The following NFATC2 variants were observed in gnomAD, a reference collection of about 807,000 sequenced individuals.
NFATC2 encodes nuclear factor of activated T cells 2.
Under a neutral mutation model 87.3 loss-of-function variants are expected in NFATC2, and 22 were observed. That is an observed-to-expected ratio of 0.25 (90% CI 0.18 to 0.36). The LOEUF (loss-of-function observed/expected upper bound fraction) is 0.36, where lower values mean the gene tolerates loss of function less well. NFATC2 is among the 10% of genes least tolerant of loss of function. The probability of loss-of-function intolerance (pLI) is 1.00; values close to 1 mark genes in which losing one functional copy is unlikely to be tolerated. For synonymous variants in NFATC2, 565 were observed against 542.2 expected (o/e 1.04, Z -0.58); for missense variants, 1,149 against 1,259.1 (o/e 0.91, Z 1.32).
intron 9 of NFATC2, among the ~76,000 whole-genome samples, chr20:51,417,563 C>T (rs1367659081): frequency 1.3e-5 from 2 of 152,202 alleles, no homozygotes; most frequent in Non-Finnish European, 2.9e-5. Flanking sequence ...TCCTGACCAC[C>T]CCGTTTGAAG....
At position 51,523,872 on chromosome 20, in the gene NFATC2, C is replaced by T. The variant is rs769555895; in HGVS notation, c.369G>A (p.Gln123=). 4 of 1,609,520 alleles carry T rather than the reference C, an allele frequency of 2.5e-6. No homozygotes were observed. The highest frequency in any genetic ancestry group is 3.4e-6 in the Non-Finnish European group (4 of 1,178,266). The part of the protein sequence containing the change: ...IEITPSHELI[Q]AVGPLRMRDA... The stretch of plus-strand genomic sequence containing the variant: ...CTCTCATGCGGAGGGGCCCCACTGC[C>T]TGGATCAGTTCGTGGGACGGAGTGA... The change falls in exon 2 of 11, where the codon CAG becomes CAA. Residue 123 remains glutamine (Q), a synonymous_variant. Transcript: ENST00000371564. This position sits in a 1 kb window ranked among gnomAD's most constrained non-coding sequence, Gnocchi z 6.9.
intron 9 of NFATC2, among the ~76,000 whole-genome samples, chr20:51,413,145 G>A (rs1005834532): frequency 6.6e-6 from 1 of 151,892 alleles, no homozygotes; most frequent in Non-Finnish European, 1.5e-5. Context: ...CAGCACTGCT[G>A]GCTGGAGGTG....
At chr20:51,560,289 A>G (rs960806544) in intron 1 of NFATC2, among the ~76,000 whole-genome samples, 2 of 152,218 alleles carry the variant, frequency 1.3e-5, no homozygotes, top group Non-Finnish European at 2.9e-5. Flanking sequence ...CTTGCCCAAG[A>G]TCACACAGTT....
chr20:51,533,764 A>T (rs532361582), intron 1 of NFATC2, among the ~76,000 whole-genome samples: 90 of 152,360 alleles, frequency 5.9e-4, no homozygotes, highest in African/African-American at 2.1e-3. Context: ...AGGCTTGCAG[A>T]CTGGCTCTGG....
At chr20:51,433,586 C>T (rs867618668) in intron 8 of NFATC2, among the ~76,000 whole-genome samples, 2 of 152,162 alleles carry the variant, frequency 1.3e-5, no homozygotes, top group Admixed American at 6.5e-5. Context: ...ATTCCTTTCT[C>T]CCTGCCCAGC....
intron 1 of NFATC2, among the ~76,000 whole-genome samples, chr20:51,561,012 C>T (rs1412321108): frequency 6.6e-6 from 1 of 152,176 alleles, no homozygotes; most frequent in South Asian, 2.1e-4. Context: ...TCCACCCCCA[C>T]CACGAGAACA....
chr20:51,519,884 C>G (rs1374703860), intron 2 of NFATC2, among the ~76,000 whole-genome samples: 2 of 150,338 alleles, frequency 1.3e-5, no homozygotes, highest in Non-Finnish European at 2.9e-5. Flanking sequence ...CCACTGTATT[C>G]TAGCCTGGGT....
At chr20:51,531,884 C>T (rs770094277) in intron 1 of NFATC2, among the ~76,000 whole-genome samples, 15 of 152,194 alleles carry the variant, frequency 9.9e-5, no homozygotes, top group Admixed American at 2.0e-4. Flanking sequence ...AAAAGGAAGA[C>T]ATTTTTATAA....
At chr20:51,457,275 TG>T (rs1258820391) in intron 5 of NFATC2, among the ~76,000 whole-genome samples, 1 of 152,192 alleles carries the variant, frequency 6.6e-6, no homozygotes, top group Non-Finnish European at 1.5e-5. Context: ...GCCCCGGGGA[TG>T]GGTGGTGCAG....
In NFATC2 at chr20:51,480,726, T is replaced by C. The variant is rs1217830890; in HGVS notation, c.1333-5066A>G. Among the ~76,000 whole-genome samples the C allele has an allele frequency of 6.6e-6, 1 of 152,122 alleles. No homozygotes were observed. Among genetic ancestry groups the C allele is most frequent in the East Asian group, 1.9e-4 (1 of 5,194 alleles). On this transcript the variant is annotated intron_variant, in intron 3 of 10. Coordinates refer to ENST00000371564, the MANE Select transcript of NFATC2 (RefSeq NM_012340.5). This position sits in a 1 kb window ranked among gnomAD's most constrained non-coding sequence, Gnocchi z 4.2. ...CATATGCTCAGATAAAAAGGAGACA[T>C]CACCCCCCACCCTGCAGGCCTCTTC...
intron 3 of NFATC2, among the ~76,000 whole-genome samples, chr20:51,502,611 C>A (rs557169300): frequency 9.8e-5 from 15 of 152,310 alleles, no homozygotes; most frequent in African/African-American, 3.4e-4. Flanking sequence ...ACTAGGATTA[C>A]AGGCATGAGC....
intron 9 of NFATC2, among the ~76,000 whole-genome samples, chr20:51,410,751 T>A (rs981299431): frequency 3.9e-5 from 6 of 152,174 alleles, no homozygotes; most frequent in Non-Finnish European, 7.3e-5. Flanking sequence ...TCTAACACAC[T>A]TAGGGCAGGA....
intron 6 of NFATC2, among the ~76,000 whole-genome samples, chr20:51,440,932 G>T (rs1002151728): frequency 6.6e-6 from 1 of 152,206 alleles, no homozygotes; most frequent in Admixed American, 6.5e-5. Context: ...TTCGCCTGGA[G>T]AACCCAATAA....
At chr20:51,542,824 A>T, upstream of NFATC2, 5 of 555,352 alleles carry the variant, frequency 9.0e-6, no homozygotes, top group Non-Finnish European at 1.1e-5. Context: ...AGGGGACCGG[A>T]GGGGAGGGGC....
intron 1 of NFATC2, among the ~76,000 whole-genome samples, chr20:51,537,714 C>T (rs1231468273): frequency 6.6e-6 from 1 of 152,238 alleles, no homozygotes; most frequent in Non-Finnish European, 1.5e-5. Flanking sequence ...AGCTTCTGAA[C>T]TGTCTGCTGA....
At chr20:51,465,472 A>G (rs1987592708) in intron 5 of NFATC2, among the ~76,000 whole-genome samples, 1 of 152,098 alleles carries the variant, frequency 6.6e-6, no homozygotes, top group Non-Finnish European at 1.5e-5. Context: ...CGAATCCCCC[A>G]GCTTGGGCTC....
chr20:51,521,983 T>C (rs7273108), intron 2 of NFATC2, among the ~76,000 whole-genome samples: 4,438 of 152,290 alleles, frequency 0.029, 198 homozygotes, highest in African/African-American at 0.1. Context: ...AGTTTCTACT[T>C]TGAGTCCATG....
At chr20:51,451,907 A>G (rs973124912) in intron 6 of NFATC2, among the ~76,000 whole-genome samples, 4 of 152,342 alleles carry the variant, frequency 2.6e-5, no homozygotes, top group Admixed American at 2.6e-4. Flanking sequence ...GGTGAGTTGT[A>G]TAATTATTTT....
At chr20:51,454,410 G>T in intron 6 of NFATC2, 138 bp downstream of exon 6, 2 of 811,124 alleles carry the variant, frequency 2.5e-6, no homozygotes, top group Non-Finnish European at 1.9e-6. Flanking sequence ...AATCCCTGAA[G>T]ACACGCTGAG....
Sources: allele counts gnomAD v4.1 joint callset (sites outside exome capture counted in the v4.1 genomes callset), GRCh38; gene constraint gnomAD v4.1.1; non-coding constraint Gnocchi (gnomAD v3.1); transcripts MANE v1.5; gene names NCBI Gene and HGNC (gene_info 2026-07-23, HGNC 2026-07-21).